CEP112: variants seen among roughly 807,000 people sequenced by gnomAD.
The protein encoded by CEP112 is centrosomal protein 112.
A neutral mutation model predicts 153.0 loss-of-function variants in CEP112; 127 were observed. The ratio of observed to expected loss-of-function variants is 0.83; its 90% CI spans 0.72 to 0.96. The LOEUF (loss-of-function observed/expected upper bound fraction) is 0.96. Ranked by LOEUF, CEP112 falls within the 40% of genes least tolerant of loss-of-function variation. The pLI, the probability that CEP112 is intolerant of heterozygous loss-of-function variation, is 0.00. For missense variants in CEP112, 1,089 were observed against 1,101.2 expected, an observed-to-expected ratio of 0.99 and a Z score of 0.16; for synonymous variants, 358 against 374.4, an observed-to-expected ratio of 0.96 and a Z score of 0.51.
intron 20 of CEP112, among the ~76,000 whole-genome samples, chr17:65,884,190 C>T (rs965688174): frequency 1.3e-5 from 2 of 152,038 alleles, no homozygotes; most frequent in Non-Finnish European, 2.9e-5. Flanking sequence ...CAGTGTTCAA[C>T]GTGAAACAGA....
chr17:65,950,745 G>C (rs959575150), intron 18 of CEP112, among the ~76,000 whole-genome samples: 4 of 142,292 alleles, frequency 2.8e-5, no homozygotes, highest in African/African-American at 7.8e-5. Flanking sequence ...GTAGTATTTT[G>C]CCTTGATGCA....
chr17:65,704,228 C>G (rs1194551104), intron 23 of CEP112, among the ~76,000 whole-genome samples: 1 of 152,056 alleles, frequency 6.6e-6, no homozygotes, highest in Non-Finnish European at 1.5e-5. Context: ...CTCCCTAGAG[C>G]CTTCTGAGGG....
intron 24 of CEP112, among the ~76,000 whole-genome samples, chr17:65,669,995 G>A (rs1489986001): frequency 1.3e-5 from 2 of 151,898 alleles, no homozygotes; most frequent in Non-Finnish European, 2.9e-5. Flanking sequence ...ACTTGGCTAT[G>A]AGCTCCTTCA....
intron 4 of CEP112, among the ~76,000 whole-genome samples, chr17:66,155,852 G>A (rs1246579046): frequency 6.6e-6 from 1 of 152,140 alleles, no homozygotes; most frequent in Non-Finnish European, 1.5e-5. Flanking sequence ...CTCTGGGCAG[G>A]GCATCTCTGA....
intron 19 of CEP112, among the ~76,000 whole-genome samples, chr17:65,923,887 T>A (rs1417980750): frequency 1.3e-5 from 2 of 152,212 alleles, no homozygotes; most frequent in Non-Finnish European, 2.9e-5. Flanking sequence ...CTCACCAATA[T>A]GTCTTAGAAA....
At chr17:65,704,484 T>C (rs149539586) in intron 23 of CEP112, among the ~76,000 whole-genome samples, 283 of 151,988 alleles carry the variant, frequency 1.9e-3, no homozygotes, top group Non-Finnish European at 3.0e-3. Flanking sequence ...CCAGTCCTAC[T>C]AGACCTCATT....
At chr17:66,176,731 A>T in intron 3 of CEP112, 99 bp downstream of exon 3, 1 of 836,072 alleles carries the variant, frequency 1.2e-6, no homozygotes. Flanking sequence ...ATTATCTAGC[A>T]CATACAACCT....
intron 16 of CEP112, among the ~76,000 whole-genome samples, chr17:66,013,155 G>A (rs2064611821): frequency 6.6e-6 from 1 of 151,982 alleles, no homozygotes; most frequent in African/African-American, 2.4e-5. Flanking sequence ...TCCTTGGATT[G>A]GGTTTCAACA....
chr17:65,892,497 C>T (rs979474215), intron 20 of CEP112, among the ~76,000 whole-genome samples: 1 of 151,846 alleles, frequency 6.6e-6, no homozygotes, highest in East Asian at 1.9e-4. Context: ...TTACGAAACA[C>T]CAACATTATG....
chr17:66,129,646 C>G (rs554492267), intron 6 of CEP112, 100 bp downstream of exon 6: 7 of 811,442 alleles, frequency 8.6e-6, no homozygotes, highest in Admixed American at 7.4e-5. Context: ...TGTCTAACAT[C>G]CAACGTTCAC....
At chr17:66,079,888 G>A (rs566082069) in intron 8 of CEP112, among the ~76,000 whole-genome samples, 16 of 151,940 alleles carry the variant, frequency 1.1e-4, no homozygotes, top group Middle Eastern at 3.4e-3. Flanking sequence ...TGACAAACCC[G>A]AAAAAAACAA....
chr17:65,927,508 G>A, intron 19 of CEP112, 74 bp downstream of exon 19: 1 of 769,028 alleles, frequency 1.3e-6, no homozygotes, highest in Non-Finnish European at 2.1e-6. Context: ...GATATTTTGT[G>A]ATAGTGATTT....
intron 6 of CEP112, 93 bp from the exon 7 acceptor site, chr17:66,096,725 A>T: frequency 1.3e-6 from 1 of 782,832 alleles, no homozygotes. Flanking sequence ...TGCCATATGA[A>T]ACATTTTCTA....
intron 4 of CEP112, among the ~76,000 whole-genome samples, chr17:66,159,828 A>G (rs2071617347): frequency 6.6e-6 from 1 of 152,178 alleles, no homozygotes; most frequent in Admixed American, 6.5e-5. Flanking sequence ...CCTATTCAAC[A>G]TAGTATTGTA....
In CEP112 at chr17:66,063,026, A is replaced by C. The variant is rs1480372750; in HGVS notation, c.1011T>G (p.Ile337Met). Residue 337 changes from isoleucine to methionine, a missense_variant, in exon 11 of 27, where the codon ATT (isoleucine) becomes ATG (methionine). By Grantham distance (10) the Ile-to-Met change is conservative. Transcript: ENST00000535342. The stretch of plus-strand genomic sequence containing the variant: ...GTTCACATATCTTTTTCAGCTCTGC[A>C]ATCTGGTCTTCTTTAGTCTCTCTGA... ...QVIRETKEDQ[I>M]AELKKICEQS... is the part of the protein sequence containing the mutation. The C allele has an allele frequency of 1.2e-6, 2 of 1,601,074 alleles. No homozygotes were observed. The highest frequency in any genetic ancestry group is 1.3e-5 in the African/African-American group (1 of 74,398).
intron 17 of CEP112, among the ~76,000 whole-genome samples, chr17:65,963,652 T>C (rs2062297569): frequency 6.8e-6 from 1 of 147,712 alleles, no homozygotes; most frequent in African/African-American, 2.6e-5. Context: ...TAGATATCGA[T>C]ATAGATATAG....
intron 24 of CEP112, among the ~76,000 whole-genome samples, chr17:65,672,516 T>C (rs1474936084): frequency 6.6e-6 from 1 of 152,258 alleles, no homozygotes; most frequent in African/African-American, 2.4e-5. Flanking sequence ...TGATATTTAC[T>C]ACATATTAGT....
chr17:65,682,255 G>A (rs924532451), intron 24 of CEP112, among the ~76,000 whole-genome samples: 7 of 151,302 alleles, frequency 4.6e-5, no homozygotes, highest in Non-Finnish European at 1.0e-4. Flanking sequence ...GCTTCCCAAA[G>A]TGTTGGGATT....
At chr17:65,883,538 T>A (rs774953901) in intron 20 of CEP112, among the ~76,000 whole-genome samples, 64 of 149,374 alleles carry the variant, frequency 4.3e-4, no homozygotes, top group Admixed American at 1.8e-3. Context: ...TGTTTTGTAC[T>A]TTTTTTAGTA....
Sources: allele counts gnomAD v4.1 joint callset (sites outside exome capture counted in the v4.1 genomes callset), GRCh38; gene constraint gnomAD v4.1.1; transcripts MANE v1.5; gene names NCBI Gene and HGNC (gene_info 2026-07-23, HGNC 2026-07-21).